Variants in MS4A6E observed in about 807,000 individuals in gnomAD.
MS4A6E encodes membrane spanning 4-domains A6E, also known as membrane-spanning 4-domains subfamily A member 6E.
In MS4A6E, 8 loss-of-function variants were observed where a neutral mutation model predicts 13.2. The ratio of observed to expected loss-of-function variants is 0.60; its 90% CI spans 0.35 to 1.09. The LOEUF (loss-of-function observed/expected upper bound fraction) is 1.09, where lower values mean the gene tolerates loss of function less well. Ranked by LOEUF, MS4A6E falls within the 50% of genes least tolerant of loss-of-function variation. MS4A6E has a pLI of 0.02. For synonymous variants in MS4A6E, 72 were observed against 67.6 expected, an observed-to-expected ratio of 1.06 and a Z score of -0.32; for missense variants, 177 against 171.1, an observed-to-expected ratio of 1.03 and a Z score of -0.19.
At chr11:60,345,523 A>C (rs1437557863), downstream of MS4A6E, among the ~76,000 whole-genome samples, 1 of 152,180 alleles carries the variant, frequency 6.6e-6, no homozygotes, top group East Asian at 1.9e-4. Flanking sequence ...TGGATTTTCT[A>C]GGAGAGTTTC....
downstream of MS4A6E, among the ~76,000 whole-genome samples, chr11:60,345,411 G>A (rs750109458): frequency 9.2e-5 from 14 of 152,276 alleles, no homozygotes; most frequent in South Asian, 4.1e-4. Flanking sequence ...GACTGCTTGT[G>A]GCTGGAGAGA....
At chr11:60,339,106 A>G (rs1409317874) in intron 3 of MS4A6E, among the ~76,000 whole-genome samples, 1 of 152,214 alleles carries the variant, frequency 6.6e-6, no homozygotes, top group African/African-American at 2.4e-5. Flanking sequence ...ATACCACAAA[A>G]CAAAAGTTCA....
At chr11:60,342,952 T>C (rs1867218), downstream of MS4A6E, among the ~76,000 whole-genome samples, 44,808 of 152,010 alleles carry the variant, frequency 0.29, 7,060 homozygotes, top group African/African-American at 0.41. Context: ...CCCTCAGAAG[T>C]AGTAACCCTA....
At chr11:60,329,068 C>A (rs185376583) in intron 1 of MS4A6E, among the ~76,000 whole-genome samples, 1 of 152,098 alleles carries the variant, frequency 6.6e-6, no homozygotes, top group African/African-American at 2.4e-5. Context: ...CAGGTATACA[C>A]GTGCCATGGT....
chr11:60,345,803 C>CCA (rs2085253913), downstream of MS4A6E, among the ~76,000 whole-genome samples: 1 of 151,952 alleles, frequency 6.6e-6, no homozygotes, highest in Admixed American at 6.6e-5. Flanking sequence ...ACCAGTAGGG[C>CCA]CACTGTGGCA....
intron 1 of MS4A6E, among the ~76,000 whole-genome samples, chr11:60,332,844 T>C (rs2085165404): frequency 6.6e-6 from 1 of 152,250 alleles, no homozygotes; most frequent in South Asian, 2.1e-4. Flanking sequence ...CTACTATGTA[T>C]ATAACAAATA....
chr11:60,342,476 TG>T (rs34242965), downstream of MS4A6E, among the ~76,000 whole-genome samples: 37,522 of 151,846 alleles, frequency 0.25, 5,560 homozygotes, highest in Non-Finnish European at 0.32. Flanking sequence ...TTTCTGGGTT[TG>T]GGGCAAGATG....
At chr11:60,342,190 AGAGAGAGAGAGGGG>A (rs760535628), downstream of MS4A6E, among the ~76,000 whole-genome samples, 1 of 78,486 alleles carries the variant, frequency 1.3e-5, no homozygotes, top group Non-Finnish European at 2.4e-5. Context: ...AGAGAGAGAG[AGAGAGAGAGAGGGG>A]GGGGGAGAGA....
At chr11:60,327,727 A>G (rs937532666) in intron 1 of MS4A6E, among the ~76,000 whole-genome samples, 8 of 152,082 alleles carry the variant, frequency 5.3e-5, no homozygotes, top group Non-Finnish European at 1.2e-4. Flanking sequence ...AAAATGAGAA[A>G]TAATTAAAAA....
chr11:60,335,387 AATCCACACTGATTCTT>A (rs1434918374), intron 2 of MS4A6E: 1 of 375,364 alleles, frequency 2.7e-6, no homozygotes, highest in Non-Finnish European at 5.1e-6. Flanking sequence ...CATGCTTAAC[AATCCACACTGATTCTT>A]TGCAAGGAAT....
In MS4A6E at chr11:60,334,985, CA is replaced by C. The variant is rs2085179257; in HGVS notation, c.92del (p.Asn31ThrfsTer7). ...FSQAEKPEPT[N>X]QGQDSLKKRL... ...CCCAAGCAGAGAAACCCGAACCCACCAACCAGGGGCAGGATAGCCTGAAGAA... is the reference window on the plus strand; with the variant it reads ...CCCAAGCAGAGAAACCCGAACCCACCACCAGGGGCAGGATAGCCTGAAGAA... On this transcript the variant is annotated frameshift_variant, in exon 2 of 5. Transcript: ENST00000684409. LOFTEE classifies it high-confidence loss of function. 2 of 1,614,178 alleles carry C rather than the reference CA, an allele frequency of 1.2e-6. No homozygotes were observed. Among genetic ancestry groups the C allele is most frequent in the African/African-American group, 1.3e-5 (1 of 75,052 alleles).
chr11:60,339,377 C>T (rs1374567591), intron 3 of MS4A6E, among the ~76,000 whole-genome samples: 2 of 152,146 alleles, frequency 1.3e-5, no homozygotes, highest in Non-Finnish European at 2.9e-5. Flanking sequence ...GCTTACACAG[C>T]CAAAACCTCC....
At chr11:60,335,488 A>G in intron 2 of MS4A6E, 2 of 433,330 alleles carry the variant, frequency 4.6e-6, no homozygotes, top group Non-Finnish European at 9.1e-6. Flanking sequence ...GAGAATGGAA[A>G]TGATATTTAC....
chr11:60,338,951 T>G (rs138075091), intron 3 of MS4A6E, among the ~76,000 whole-genome samples: 1 of 152,208 alleles, frequency 6.6e-6, no homozygotes, highest in Non-Finnish European at 1.5e-5. Flanking sequence ...GGAGAGAAAT[T>G]TGGGAGAAAT....
At chr11:60,338,114 G>A (rs2135061814) in intron 3 of MS4A6E, among the ~76,000 whole-genome samples, 167 bp downstream of exon 3, 1 of 152,306 alleles carries the variant, frequency 6.6e-6, no homozygotes, top group South Asian at 2.1e-4. Context: ...AGATTAAGGG[G>A]ATTACATACT....
chr11:60,340,136 G>A (rs1268966645), intron 4 of MS4A6E, among the ~76,000 whole-genome samples, 172 bp downstream of exon 4: 2 of 152,222 alleles, frequency 1.3e-5, no homozygotes, highest in African/African-American at 4.8e-5. Context: ...TGGTAATTGA[G>A]TAGCTGACAA....
chr11:60,344,076 A>G (rs1397754955), downstream of MS4A6E, among the ~76,000 whole-genome samples: 1 of 152,212 alleles, frequency 6.6e-6, no homozygotes, highest in East Asian at 1.9e-4. Context: ...GAGAGGTTAC[A>G]TGCTCAACCA....
chr11:60,330,757 G>A (rs1166498893), intron 1 of MS4A6E, among the ~76,000 whole-genome samples: 1 of 152,146 alleles, frequency 6.6e-6, no homozygotes, highest in East Asian at 1.9e-4. Context: ...TAGGTCTTAT[G>A]TTTGAATCTT....
chr11:60,338,400 C>G (rs1326019377), intron 3 of MS4A6E: 1 of 168,636 alleles, frequency 5.9e-6, no homozygotes, highest in African/African-American at 2.4e-5. Flanking sequence ...GATGAAGAAA[C>G]AGAGAATAGG....
Sources: allele counts gnomAD v4.1 joint callset (sites outside exome capture counted in the v4.1 genomes callset), GRCh38; gene constraint gnomAD v4.1.1; transcripts MANE v1.5; gene names NCBI Gene and HGNC (gene_info 2026-07-23, HGNC 2026-07-21).